NUP155: variants seen among roughly 807,000 people sequenced by gnomAD.
NUP155 encodes nuclear pore complex protein Nup155.
Under a neutral mutation model 180.4 loss-of-function variants are expected in NUP155, and 71 were observed. The observed-to-expected ratio is 0.39, with a 90% confidence interval of 0.33 to 0.48. The LOEUF (loss-of-function observed/expected upper bound fraction) is 0.48. NUP155 is among the 20% of genes least tolerant of loss of function. NUP155 has a pLI of 0.91. For synonymous variants in NUP155, 582 were observed against 559.5 expected (o/e 1.04, Z -0.57); for missense variants, 1,553 against 1,648.9 (o/e 0.94, Z 1.01).
chr5:37,331,654 C>G (rs1263326842), intron 14 of NUP155, 31 bp downstream of exon 14: 4 of 1,232,792 alleles, frequency 3.2e-6, no homozygotes, highest in South Asian at 1.2e-5. Flanking sequence ...TTTAAAATAG[C>G]ATCACATTTT....
chr5:37,354,298 C>T (rs1010373994), intron 4 of NUP155, among the ~76,000 whole-genome samples: 3 of 151,998 alleles, frequency 2.0e-5, no homozygotes, highest in Non-Finnish European at 2.9e-5. Context: ...AGGCATATGG[C>T]ACCATGCCCA....
Position 37,350,081 on chromosome 5 carries a change from A to C in NUP155, c.829+79T>G, listed in dbSNP as rs572729463. Reference sequence around the variant, plus strand: ...TAACAAATTGTTTCAATTAAGAATGATAATTTCTGAAGAAAACGTTGAGGG... The same window carrying C: ...TAACAAATTGTTTCAATTAAGAATGCTAATTTCTGAAGAAAACGTTGAGGG... On this transcript the variant is annotated intron_variant, in intron 7 of 34. Coordinates refer to ENST00000231498, the MANE Select transcript of NUP155 (RefSeq NM_153485.3). 15 of 971,902 alleles carry C rather than the reference A, an allele frequency of 1.5e-5. No homozygotes were observed. The South Asian group carries it at 1.9e-4, about 13-fold the overall frequency. The allele number at this position is 971,902 out of a possible 1,614,324, so 60.2% of individuals were successfully genotyped here. A position where few individuals can be genotyped will look rare whatever the true frequency, so the allele number is the denominator to read the frequency against.
chr5:37,341,137 G>A lies in NUP155; in HGVS notation c.1199C>T (p.Ser400Leu). Residue 400 changes from serine (S) to leucine (L), a missense_variant, in exon 11 of 35, where the codon TCA becomes TTA. Coordinates refer to ENST00000231498, the MANE Select transcript of NUP155 (RefSeq NM_153485.3). ...TACTTTTGAAGGCTTTTCCACGGTT[G>A]AAGATGCTGAGAATCCAGGAGGTAA... ...VRLPPGFSASSTVEKPSKVHR... is the reference protein window; with the variant it reads ...VRLPPGFSASLTVEKPSKVHR... 6.2e-7 allele frequency: 1 copy of A among 1,613,926 alleles called. No individual in the cohort carries two copies.
chr5:37,355,569 ATTTG>A (rs142869702), intron 4 of NUP155, among the ~76,000 whole-genome samples: 2 of 105,932 alleles, frequency 1.9e-5, no homozygotes, highest in African/African-American at 7.5e-5. Context: ...ATATTTATTT[ATTTG>A]TTTGTTTGTT....
At chr5:37,341,329 C>G (rs1170008330) in intron 10 of NUP155, 87 bp from the exon 11 acceptor site, 11 of 1,063,486 alleles carry the variant, frequency 1.0e-5, no homozygotes, top group Non-Finnish European at 1.6e-5. Flanking sequence ...TACAGCAATG[C>G]AACACTCTGC....
intron 11 of NUP155, among the ~76,000 whole-genome samples, chr5:37,340,215 C>T (rs796736699): frequency 2.0e-5 from 3 of 152,034 alleles, no homozygotes; most frequent in East Asian, 3.9e-4. Context: ...CCAATGCAGA[C>T]GGATCACTTG....
chr5:37,329,105 GA>G (rs1250817308), intron 16 of NUP155, 84 bp downstream of exon 16: 2 of 928,494 alleles, frequency 2.2e-6, no homozygotes, highest in Non-Finnish European at 1.8e-6. Context: ...AAAACATAAT[GA>G]AAAGGCTTAT....
In NUP155 at chr5:37,291,831, C is replaced by A; in HGVS notation, c.*69G>T. Reference sequence around the variant, plus strand: ...TTCTTACATTCTTAGATTTAGAACACCTGATATCTGGACCCAGCTGAGTTT... The same window carrying A: ...TTCTTACATTCTTAGATTTAGAACAACTGATATCTGGACCCAGCTGAGTTT... On this transcript the variant is annotated 3_prime_UTR_variant, in exon 35 of 35. Coordinates refer to ENST00000231498, the MANE Select transcript of NUP155 (RefSeq NM_153485.3). 9.9e-6 allele frequency: 14 copies of A among 1,412,096 alleles called. No individual in the cohort carries two copies. The highest frequency in any genetic ancestry group is 1.4e-5 in the Non-Finnish European group (14 of 997,826). The allele number at this position is 1,412,096 out of a possible 1,614,324, so 87.5% of individuals were successfully genotyped here.
intron 22 of NUP155, among the ~76,000 whole-genome samples, chr5:37,312,573 A>G (rs1244004356): frequency 6.6e-6 from 1 of 152,242 alleles, no homozygotes; most frequent in African/African-American, 2.4e-5. Flanking sequence ...ATCTGTAAAA[A>G]GACATTTTTA....
In NUP155 at chr5:37,290,014, T is replaced by C. The variant is rs1742166688; in HGVS notation, c.*1886A>G. ...TTAAATATTCTACATTAGAAGATTA[T>C]AGGGAAAAGGGAGCTGAATTCTAAG... is the stretch of plus-strand genomic sequence containing the variant. On this transcript the variant is annotated 3_prime_UTR_variant, in exon 35 of 35. Transcript: ENST00000231498. 6.6e-6 allele frequency: 1 copy of C among 152,172 alleles called. No homozygotes were observed. Among genetic ancestry groups the C allele is most frequent in the African/African-American group, 2.4e-5 (1 of 41,430 alleles). 9.4% of individuals were successfully genotyped at this position (152,172 alleles called of 1,614,324 possible). A position where few individuals can be genotyped will look rare whatever the true frequency, so the allele number is the denominator to read the frequency against.
At chr5:37,346,594 C>T (rs145852614) in intron 9 of NUP155, among the ~76,000 whole-genome samples, 177 of 152,076 alleles carry the variant, frequency 1.2e-3, no homozygotes, top group African/African-American at 4.0e-3. Context: ...ATCGCTTGAA[C>T]CCGGGAGGTG....
At chr5:37,310,885 A>G (rs974456414) in intron 22 of NUP155, 142 bp from the exon 23 acceptor site, 1 of 663,048 alleles carries the variant, frequency 1.5e-6, no homozygotes, top group Non-Finnish European at 2.4e-6. Context: ...TAGTAGAAAC[A>G]AATTTTTGCG....
At chr5:37,297,872 A>AT (rs1367890145) in intron 32 of NUP155, among the ~76,000 whole-genome samples, 1 of 129,824 alleles carries the variant, frequency 7.7e-6, no homozygotes, top group African/African-American at 2.8e-5. Flanking sequence ...ATTTCTGACT[A>AT]TGTCCAGAGG....
At chr5:37,344,817 A>G (rs959420061) in intron 9 of NUP155, among the ~76,000 whole-genome samples, 11 of 150,882 alleles carry the variant, frequency 7.3e-5, no homozygotes, top group Non-Finnish European at 1.0e-4. Context: ...GGTTGCAGTG[A>G]GCCAAGATCG....
intron 19 of NUP155, among the ~76,000 whole-genome samples, chr5:37,325,315 C>T (rs1191486228): frequency 6.6e-6 from 1 of 151,996 alleles, no homozygotes; most frequent in East Asian, 1.9e-4. Context: ...TCATGACAAC[C>T]TTATGAGGGA....
At chr5:37,344,489 A>C (rs1745946040) in intron 9 of NUP155, among the ~76,000 whole-genome samples, 1 of 151,106 alleles carries the variant, frequency 6.6e-6, no homozygotes, top group South Asian at 2.1e-4. Context: ...TCCAAACGTC[A>C]ATATTATAAA....
At chr5:37,323,855 T>C (rs1453436756) in intron 20 of NUP155, 137 bp downstream of exon 20, 15 of 659,456 alleles carry the variant, frequency 2.3e-5, no homozygotes, top group Non-Finnish European at 3.6e-5. Flanking sequence ...GTGGTGATGG[T>C]TGCATAACCT....
rs1745371176 is a variant in NUP155, at chr5:37,336,988, C to T, written c.1347+830G>A. 2.0e-5 allele frequency among the ~76,000 whole-genome samples: 3 copies of T among 152,200 alleles called. No individual in the cohort carries two copies. The South Asian group carries it at 6.2e-4, about 31-fold the overall frequency. On this transcript the variant is annotated intron_variant, in intron 12 of 34. Transcript: ENST00000231498. The stretch of plus-strand genomic sequence containing the variant: ...CAGAGTACCAGACATTCACACCCCA[C>T]TAGGGGCTGGTTTATCTGGTTTGAT...
Position 37,305,151 on chromosome 5 carries a change from G to C in NUP155, c.2963C>G (p.Ala988Gly). 1 of 1,613,624 alleles carries C rather than the reference G, an allele frequency of 6.2e-7. No homozygotes were observed. The highest frequency in any genetic ancestry group is 8.5e-7 in the Non-Finnish European group (1 of 1,179,688). The change falls in exon 26 of 35, where the codon GCC (alanine) becomes GGC (glycine). Residue 988 changes from alanine (A) to glycine (G), a missense_variant. By Grantham distance (60) the Ala-to-Gly change is moderately conservative. Transcript: ENST00000231498. ...TLQELVNQSK[A>G]APQSPSVPKK... Reference sequence around the variant, plus strand: ...GGGTACACTGGGAGACTGAGGAGCGGCCTTACTTTGATTTACCAGTTCTTG... The same window carrying C: ...GGGTACACTGGGAGACTGAGGAGCGCCCTTACTTTGATTTACCAGTTCTTG...
Sources: allele counts gnomAD v4.1 joint callset (sites outside exome capture counted in the v4.1 genomes callset), GRCh38; gene constraint gnomAD v4.1.1; transcripts MANE v1.5; gene names NCBI Gene and HGNC (gene_info 2026-07-23, HGNC 2026-07-21).